The following RNF149 variants were observed in gnomAD, a reference collection of about 807,000 sequenced individuals.
The protein encoded by RNF149 is ring finger protein 149.
Under a neutral mutation model 39.0 loss-of-function variants are expected in RNF149, and 21 were observed. The observed-to-expected ratio is 0.54, with a 90% confidence interval of 0.38 to 0.77. The LOEUF (loss-of-function observed/expected upper bound fraction) is 0.77, where lower values mean the gene tolerates loss of function less well. RNF149 is among the 30% of genes least tolerant of loss of function. The pLI, the probability that RNF149 is intolerant of heterozygous loss-of-function variation, is 0.00. For synonymous variants in RNF149, 209 were observed against 213.6 expected (o/e 0.98, Z 0.19); for missense variants, 493 against 534.9 (o/e 0.92, Z 0.77).
intron 1 of RNF149, among the ~76,000 whole-genome samples, chr2:101,299,732 G>A (rs927899457): frequency 3.9e-5 from 6 of 152,212 alleles, no homozygotes; most frequent in Admixed American, 3.3e-4. Flanking sequence ...CACGTTCTTT[G>A]TGTGGTAATG....
chr2:101,300,189 T>G (rs1401108531), intron 1 of RNF149, among the ~76,000 whole-genome samples: 3 of 152,174 alleles, frequency 2.0e-5, no homozygotes, highest in African/African-American at 7.2e-5. Flanking sequence ...CAAAAAAGTT[T>G]ACAAAGCAAA....
chr2:101,297,337 AAAT>A (rs1337691650), intron 1 of RNF149, among the ~76,000 whole-genome samples: 1 of 152,210 alleles, frequency 6.6e-6, no homozygotes, highest in Non-Finnish European at 1.5e-5. Flanking sequence ...GCAGAAAAGA[AAAT>A]AAAAACGGTT....
At position 101,276,772 on chromosome 2, in the gene RNF149, A is replaced by T. The variant is rs530398977; in HGVS notation, c.*466T>A. On this transcript the variant is annotated 3_prime_UTR_variant, in exon 7 of 7. Coordinates refer to ENST00000295317, the MANE Select transcript of RNF149 (RefSeq NM_173647.4). The stretch of plus-strand genomic sequence containing the variant: ...CTCAGTTTACAAGTTTCAAGTTCTT[A>T]AAAAAAAAACAACAAAAAAAACCTT... The T allele has an allele frequency of 1.2e-4, 112 of 930,652 alleles. No individual in the cohort carries two copies. In the African/African-American group the frequency reaches 1.5e-3, roughly 12 times the overall value. 57.6% of individuals were successfully genotyped at this position (930,652 alleles called of 1,614,324 possible). A position where few individuals can be genotyped will look rare whatever the true frequency, so the allele number is the denominator to read the frequency against.
At chr2:101,278,033 T>C (rs1273150881) in intron 6 of RNF149, among the ~76,000 whole-genome samples, 2 of 150,858 alleles carry the variant, frequency 1.3e-5, no homozygotes, top group African/African-American at 4.8e-5. Context: ...ATCCAGACAG[T>C]TGCTATTATG....
intron 1 of RNF149, among the ~76,000 whole-genome samples, chr2:101,301,818 G>A (rs114422131): frequency 6.6e-6 from 1 of 152,174 alleles, no homozygotes; most frequent in East Asian, 1.9e-4. Flanking sequence ...CATGAGTCTA[G>A]TGTACTATTT....
chr2:101,299,257 A>C (rs945154457), intron 1 of RNF149, among the ~76,000 whole-genome samples: 1 of 152,198 alleles, frequency 6.6e-6, no homozygotes, highest in African/African-American at 2.4e-5. Flanking sequence ...GAGAAATTTC[A>C]TCTGCAGCAA....
chr2:101,290,165 C>T lies in RNF149; in HGVS notation c.781-1110G>A, dbSNP rs375655392. On this transcript the variant is annotated intron_variant, in intron 3 of 6. Coordinates refer to ENST00000295317, the MANE Select transcript of RNF149 (RefSeq NM_173647.4). Reference sequence around the variant, plus strand: ...ACTGCCCTCCACCCTGGTGACACAGCGAGACTCCGTCTCAAAAAACAAAAC... The same window carrying T: ...ACTGCCCTCCACCCTGGTGACACAGTGAGACTCCGTCTCAAAAAACAAAAC... Among the ~76,000 whole-genome samples the T allele has an allele frequency of 4.7e-4, 72 of 152,254 alleles. 1 individual carries two copies. Among genetic ancestry groups the T allele is most frequent in the African/African-American group, 1.5e-3 (63 of 41,550 alleles).
intron 3 of RNF149, among the ~76,000 whole-genome samples, chr2:101,290,905 C>T (rs192890960): frequency 1.2e-4 from 18 of 152,294 alleles, no homozygotes; most frequent in Admixed American, 9.8e-4. Context: ...CACCCATCAA[C>T]CAAGGCAGCC....
chr2:101,299,543 T>C (rs936314558), intron 1 of RNF149, among the ~76,000 whole-genome samples: 1 of 152,236 alleles, frequency 6.6e-6, no homozygotes, highest in African/African-American at 2.4e-5. Flanking sequence ...TATAACTATA[T>C]GGCACTTTGC....
intron 1 of RNF149, among the ~76,000 whole-genome samples, chr2:101,301,522 G>A (rs1683451642): frequency 6.6e-6 from 1 of 152,086 alleles, no homozygotes; most frequent in Non-Finnish European, 1.5e-5. Flanking sequence ...GTTTCACCAT[G>A]TTGCCCAGGC....
At position 101,308,350 on chromosome 2, in the gene RNF149, G is replaced by A; in HGVS notation, c.239C>T (p.Pro80Leu). ...CTCGAGGTCTCCGCCGGGCGCCCACGGGACGCCCACCAGGCCATGCGCGCC... is the reference window on the plus strand; with the variant it reads ...CTCGAGGTCTCCGCCGGGCGCCCACAGGACGCCCACCAGGCCATGCGCGCC... ...KEGAHGLVGV[P>L]WAPGGDLEGC... is the part of the protein sequence containing the mutation. The change falls in exon 1 of 7, where the codon CCG (proline) becomes CTG (leucine). Residue 80 changes from proline to leucine, a missense_variant. Physicochemically the swap from Pro to Leu is moderately conservative, Grantham distance 98. Coordinates refer to ENST00000295317, the MANE Select transcript of RNF149 (RefSeq NM_173647.4). 6.2e-7 allele frequency: 1 copy of A among 1,600,136 alleles called. No homozygotes were observed. The highest frequency in any genetic ancestry group is 1.4e-5 in the African/African-American group (1 of 72,852).
chr2:101,285,041 C>T (rs1236806273), intron 5 of RNF149, among the ~76,000 whole-genome samples: 3 of 152,134 alleles, frequency 2.0e-5, no homozygotes, highest in East Asian at 3.9e-4. Flanking sequence ...ACTACAGGAG[C>T]GTGCCATCAT....
chr2:101,281,511 T>A (rs1726733), intron 6 of RNF149: 77,750 of 118,952 alleles, frequency 0.65, 26,852 homozygotes, highest in East Asian at 0.87. Flanking sequence ...TTTTTTTTTT[T>A]AAGAGACAGG....
At chr2:101,281,565 G>T in intron 6 of RNF149, 1 of 368,728 alleles carries the variant, frequency 2.7e-6, no homozygotes, top group Non-Finnish European at 5.0e-6. Flanking sequence ...ACAGTGACAG[G>T]ATCATAGCTC....
At chr2:101,306,754 ACTT>A (rs2104444113) in intron 1 of RNF149, among the ~76,000 whole-genome samples, 1 of 152,252 alleles carries the variant, frequency 6.6e-6, no homozygotes, top group East Asian at 1.9e-4. Flanking sequence ...AACAGTCCTT[ACTT>A]CTTCTCAACA....
At chr2:101,296,366 G>A (rs1053340924) in intron 1 of RNF149, among the ~76,000 whole-genome samples, 5 of 151,946 alleles carry the variant, frequency 3.3e-5, no homozygotes, top group Non-Finnish European at 7.4e-5. Context: ...ATAAAATATC[G>A]ATAAGATTAA....
At chr2:101,272,269 C>T (rs1682159213), downstream of RNF149, among the ~76,000 whole-genome samples, 1 of 152,224 alleles carries the variant, frequency 6.6e-6, no homozygotes, top group Admixed American at 6.5e-5. Context: ...GCCAATAATA[C>T]AGCCCTACAT....
chr2:101,275,511 G>A (rs1682309982), downstream of RNF149, among the ~76,000 whole-genome samples: 1 of 126,908 alleles, frequency 7.9e-6, no homozygotes. Context: ...GCGGGATCTC[G>A]GCTCACTGCA....
At chr2:101,298,625 G>A (rs986060254) in intron 1 of RNF149, among the ~76,000 whole-genome samples, 2 of 151,946 alleles carry the variant, frequency 1.3e-5, no homozygotes, top group African/African-American at 4.8e-5. Flanking sequence ...TAAACTGTGT[G>A]GACAGCATGC....
Sources: allele counts gnomAD v4.1 joint callset (sites outside exome capture counted in the v4.1 genomes callset), GRCh38; gene constraint gnomAD v4.1.1; transcripts MANE v1.5; gene names NCBI Gene and HGNC (gene_info 2026-07-23, HGNC 2026-07-21).